ADAMTS6: variants seen among roughly 807,000 people sequenced by gnomAD.
ADAMTS6 encodes the protein A disintegrin and metalloproteinase with thrombospondin motifs 6.
A neutral mutation model predicts 144.3 loss-of-function variants in ADAMTS6; 23 were observed. The observed-to-expected ratio is 0.16, with a 90% CI of 0.11 to 0.23. ADAMTS6 has a LOEUF of 0.23. ADAMTS6 is among the 10% of genes least tolerant of loss of function. ADAMTS6 has a pLI of 1.00. For synonymous variants in ADAMTS6, 444 were observed against 457.5 expected (o/e 0.97, Z 0.38); for missense variants, 999 against 1,379.6 (o/e 0.72, Z 4.37).
chr5:65,162,765 T>C (rs1325645774), intron 24 of ADAMTS6, among the ~76,000 whole-genome samples: 2 of 152,200 alleles, frequency 1.3e-5, no homozygotes, highest in Admixed American at 1.3e-4. Context: ...ATGATAGTTA[T>C]ATCCTCTCTC....
intron 14 of ADAMTS6, among the ~76,000 whole-genome samples, chr5:65,248,320 G>T (rs952166060): frequency 2.6e-5 from 4 of 151,800 alleles, no homozygotes; most frequent in Non-Finnish European, 5.9e-5. Context: ...TACTTTTAAA[G>T]CAAAAGAAAA....
intron 7 of ADAMTS6, among the ~76,000 whole-genome samples, chr5:65,337,395 T>C (rs1747405447): frequency 1.3e-5 from 2 of 152,270 alleles, no homozygotes; most frequent in South Asian, 2.1e-4. Context: ...TTTTGTGGGA[T>C]ATTTCTTACT....
intron 7 of ADAMTS6, among the ~76,000 whole-genome samples, chr5:65,447,197 C>A (rs1758338852): frequency 6.6e-6 from 1 of 152,090 alleles, no homozygotes; most frequent in Non-Finnish European, 1.5e-5. Context: ...AAATAGATTT[C>A]TTGAGTATTT....
intron 7 of ADAMTS6, among the ~76,000 whole-genome samples, chr5:65,343,324 T>C (rs1024861799): frequency 3.3e-5 from 5 of 152,056 alleles, no homozygotes; most frequent in Non-Finnish European, 5.9e-5. Flanking sequence ...CAAAACAACA[T>C]GGTACTGGCA....
intron 14 of ADAMTS6, among the ~76,000 whole-genome samples, chr5:65,242,587 C>T (rs1759286616): frequency 6.6e-6 from 1 of 152,028 alleles, no homozygotes; most frequent in Non-Finnish European, 1.5e-5. Flanking sequence ...CATAGCTACT[C>T]CCTGATCTTT....
chr5:65,275,331 A>C (rs1481082956), intron 11 of ADAMTS6, among the ~76,000 whole-genome samples: 2 of 148,832 alleles, frequency 1.3e-5, no homozygotes, highest in Non-Finnish European at 3.0e-5. Context: ...AGAGAGACAG[A>C]GAGAAATGAA....
chr5:65,455,179 T>TA, intron 4 of ADAMTS6, among the ~76,000 whole-genome samples: 2 of 152,374 alleles, frequency 1.3e-5, no homozygotes, highest in East Asian at 3.9e-4. Context: ...TTCTCCTTTT[T>TA]ATTTAAAATA....
At chr5:65,289,588 T>G (rs550389269) in intron 11 of ADAMTS6, among the ~76,000 whole-genome samples, 1 of 152,326 alleles carries the variant, frequency 6.6e-6, no homozygotes, top group Non-Finnish European at 1.5e-5. Flanking sequence ...AATTTTGTAT[T>G]CTTTATCTCA....
At chr5:65,256,985 C>CTT (rs545846781) in intron 14 of ADAMTS6, among the ~76,000 whole-genome samples, 346 of 88,652 alleles carry the variant, frequency 3.9e-3, no homozygotes, top group Middle Eastern at 6.4e-3. Flanking sequence ...CTCTCTCTCT[C>CTT]TTTTTTTTTT....
At chr5:65,193,473 A>G (rs975947403) in intron 21 of ADAMTS6, among the ~76,000 whole-genome samples, 16 of 152,194 alleles carry the variant, frequency 1.1e-4, no homozygotes, top group African/African-American at 3.4e-4. Flanking sequence ...ATAATTTTTA[A>G]ATGTTCAGTC....
chr5:65,333,320 A>T (rs1384714743), intron 8 of ADAMTS6, among the ~76,000 whole-genome samples: 1 of 152,100 alleles, frequency 6.6e-6, no homozygotes, highest in Admixed American at 6.6e-5. Context: ...TTGTATTTGC[A>T]GTTAACTATG....
At chr5:65,175,153 G>T (rs1753889709) in intron 22 of ADAMTS6, among the ~76,000 whole-genome samples, 1 of 151,882 alleles carries the variant, frequency 6.6e-6, no homozygotes, top group South Asian at 2.1e-4. Flanking sequence ...AGCATAAGTG[G>T]CTGGCAGAGA....
chr5:65,459,592 C>T (rs976336493), intron 4 of ADAMTS6, among the ~76,000 whole-genome samples: 5 of 152,190 alleles, frequency 3.3e-5, no homozygotes, highest in African/African-American at 1.2e-4. Flanking sequence ...ACTATTTCCT[C>T]TATGTGAAAC....
Position 65,334,105 on chromosome 5 carries a change from G to A in ADAMTS6, c.1074-20C>T, listed in dbSNP as rs1262591944. 3 of 1,480,798 alleles carry A rather than the reference G, an allele frequency of 2.0e-6. No individual in the cohort carries two copies. Among genetic ancestry groups the A allele is most frequent in the African/African-American group, 3.0e-5 (2 of 66,702 alleles). The allele number at this position is 1,480,798 out of a possible 1,614,324, so 91.7% of individuals were successfully genotyped here. A position where few individuals can be genotyped will look rare whatever the true frequency, so the allele number is the denominator to read the frequency against. ...TCATATCTATGGAGAAAACAGAGAT[G>A]AAATTTGTAATCTGATCAGATTTGT... is the stretch of plus-strand genomic sequence containing the variant. On this transcript the variant is annotated intron_variant, in intron 7 of 24. Transcript: ENST00000381055.
At chr5:65,362,127 A>G (rs1325544920) in intron 7 of ADAMTS6, among the ~76,000 whole-genome samples, 1 of 152,184 alleles carries the variant, frequency 6.6e-6, no homozygotes, top group African/African-American at 2.4e-5. Flanking sequence ...TAGATTTTTG[A>G]AAGGGCTTAT....
At chr5:65,381,529 ATTTTTTTTTTT>A (rs748143650) in intron 7 of ADAMTS6, among the ~76,000 whole-genome samples, 16 of 103,086 alleles carry the variant, frequency 1.6e-4, no homozygotes, top group African/African-American at 4.4e-4. Flanking sequence ...TGCCTGGCTA[ATTTTTTTTTTT>A]TTTTTTTTTT....
intron 7 of ADAMTS6, among the ~76,000 whole-genome samples, chr5:65,427,755 G>T (rs1756663925): frequency 6.7e-6 from 1 of 148,952 alleles, no homozygotes; most frequent in Non-Finnish European, 1.5e-5. Context: ...CCAAGCTCAT[G>T]CCACTGCACT....
chr5:65,286,880 A>G (rs936784257), intron 11 of ADAMTS6, among the ~76,000 whole-genome samples: 4 of 152,176 alleles, frequency 2.6e-5, no homozygotes, highest in Non-Finnish European at 5.9e-5. Flanking sequence ...ATGCTTTTTG[A>G]TAATTCAGTT....
intron 12 of ADAMTS6, among the ~76,000 whole-genome samples, chr5:65,269,660 T>A (rs924346555): frequency 6.6e-6 from 1 of 152,198 alleles, no homozygotes; most frequent in African/African-American, 2.4e-5. Context: ...AATTTAGGGC[T>A]AGTAAGTCTT....
Sources: allele counts gnomAD v4.1 joint callset (sites outside exome capture counted in the v4.1 genomes callset), GRCh38; gene constraint gnomAD v4.1.1; transcripts MANE v1.5; gene names NCBI Gene and HGNC (gene_info 2026-07-23, HGNC 2026-07-21).